The following MYO16 variants were observed in gnomAD, a reference collection of about 807,000 sequenced individuals.
MYO16 encodes unconventional myosin-XVI.
A neutral mutation model predicts 205.3 loss-of-function variants in MYO16; 94 were observed. The observed-to-expected ratio is 0.46, with a 90% CI of 0.39 to 0.54. MYO16 has a LOEUF of 0.54. Ranked by LOEUF, MYO16 falls within the 20% of genes least tolerant of loss-of-function variation. MYO16 has a pLI of 0.00. For missense variants in MYO16, 2,315 were observed against 2,387.5 expected (o/e 0.97, Z 0.63); for synonymous variants, 988 against 954.0 (o/e 1.04, Z -0.66).
At chr13:109,118,923 TGAA>T (rs796977542) in intron 28 of MYO16, among the ~76,000 whole-genome samples, 2 of 152,266 alleles carry the variant, frequency 1.3e-5, no homozygotes, top group South Asian at 2.1e-4. Flanking sequence ...CTAAACTAAA[TGAA>T]GAAGAACATC....
At chr13:108,649,214 TAAAGTA>T (rs1055476889) in intron 1 of MYO16, among the ~76,000 whole-genome samples, 4 of 144,172 alleles carry the variant, frequency 2.8e-5, no homozygotes, top group African/African-American at 8.5e-5. Context: ...CCCTAAAACT[TAAAGTA>T]TAATAAAAAA....
intron 1 of MYO16, among the ~76,000 whole-genome samples, chr13:108,642,784 A>G (rs1322104977): frequency 1.3e-5 from 2 of 152,136 alleles, no homozygotes. Flanking sequence ...ATCTGTTCAC[A>G]AGACTTCTTT....
chr13:109,176,891 G>C (rs1220680256), intron 33 of MYO16, among the ~76,000 whole-genome samples: 1 of 151,990 alleles, frequency 6.6e-6, no homozygotes, highest in Non-Finnish European at 1.5e-5. Context: ...GTGGAGCCCT[G>C]ACACAGGTTC....
At chr13:108,707,180 A>G (rs1285891109) in intron 2 of MYO16, among the ~76,000 whole-genome samples, 2 of 152,242 alleles carry the variant, frequency 1.3e-5, no homozygotes, top group East Asian at 1.9e-4. Context: ...CCCTCTTATC[A>G]TGACCCTGTT....
intron 13 of MYO16, among the ~76,000 whole-genome samples, chr13:108,887,096 A>G (rs1452122187): frequency 1.3e-5 from 2 of 152,156 alleles, no homozygotes; most frequent in Non-Finnish European, 2.9e-5. Flanking sequence ...ACAAAGGGTA[A>G]TTTAAGATTT....
intron 20 of MYO16, among the ~76,000 whole-genome samples, chr13:108,969,502 T>A (rs2139384980): frequency 6.6e-6 from 1 of 152,332 alleles, no homozygotes; most frequent in South Asian, 2.1e-4. Flanking sequence ...CTCTTCACTG[T>A]CCACTTTTCC....
At chr13:108,500,569 T>C in the MYO16 span, among the ~76,000 whole-genome samples, 1 of 152,052 alleles carries the variant, frequency 6.6e-6, no homozygotes, top group Non-Finnish European at 1.5e-5. Context: ...GTTTTTCTCC[T>C]TCTTCCTTTC....
At chr13:108,517,982 G>T in the MYO16 span, among the ~76,000 whole-genome samples, 1 of 152,120 alleles carries the variant, frequency 6.6e-6, no homozygotes, top group Non-Finnish European at 1.5e-5. Context: ...GAACCCTCAT[G>T]ACTTAATCAC....
intron 27 of MYO16, among the ~76,000 whole-genome samples, chr13:109,068,715 C>T (rs542990960): frequency 8.5e-5 from 13 of 152,164 alleles, no homozygotes; most frequent in African/African-American, 1.2e-4. Flanking sequence ...CCTCAGCCTC[C>T]GGAATAGCCG....
At chr13:108,564,595 T>C in the MYO16 span, among the ~76,000 whole-genome samples, 1 of 152,206 alleles carries the variant, frequency 6.6e-6, no homozygotes, top group South Asian at 2.1e-4. Flanking sequence ...TCTCATTCTA[T>C]GGGTTGTCTC....
At chr13:108,619,928 C>T (rs1413982925) in intron 1 of MYO16, among the ~76,000 whole-genome samples, 2 of 152,110 alleles carry the variant, frequency 1.3e-5, no homozygotes, top group Non-Finnish European at 1.5e-5. Context: ...AGGCAAATGG[C>T]ATACTGGAAA....
At chr13:108,961,787 G>C (rs191344893) in intron 18 of MYO16, 131 bp downstream of exon 18, 11 of 684,764 alleles carry the variant, frequency 1.6e-5, no homozygotes, top group Middle Eastern at 2.7e-4. Context: ...ATTCAGTGAG[G>C]GGGGGAAATT....
intron 2 of MYO16, among the ~76,000 whole-genome samples, chr13:108,687,612 T>C (rs867836627): frequency 2.6e-5 from 4 of 152,208 alleles, no homozygotes; most frequent in Admixed American, 6.5e-5. Context: ...ACACATTGAA[T>C]GTAGAAGGAG....
At chr13:108,860,589 G>A (rs996359232) in intron 11 of MYO16, among the ~76,000 whole-genome samples, 2 of 152,148 alleles carry the variant, frequency 1.3e-5, no homozygotes, top group African/African-American at 4.8e-5. Context: ...TCACAGTACT[G>A]CTTTCCAGAA....
intron 20 of MYO16, among the ~76,000 whole-genome samples, chr13:108,975,451 A>C (rs111476431): frequency 0.012 from 1,834 of 152,314 alleles, 34 homozygotes; most frequent in African/African-American, 0.042. Context: ...ATAAAGCATA[A>C]ATAGTAGTTT....
At chr13:109,113,645 G>T (rs772206339) in intron 28 of MYO16, among the ~76,000 whole-genome samples, 74 of 152,168 alleles carry the variant, frequency 4.9e-4, no homozygotes, top group Non-Finnish European at 9.4e-4. Context: ...AATGGGGACT[G>T]GGAGAAAAGC....
intron 27 of MYO16, among the ~76,000 whole-genome samples, chr13:109,063,670 C>A (rs570293992): frequency 2.6e-5 from 4 of 152,312 alleles, no homozygotes; most frequent in African/African-American, 9.6e-5. Flanking sequence ...GTTGTTATAG[C>A]AGCCCACCCC....
chr13:108,766,518 G>A (rs1310891109), intron 4 of MYO16, among the ~76,000 whole-genome samples: 1 of 152,152 alleles, frequency 6.6e-6, no homozygotes, highest in Admixed American at 6.5e-5. Context: ...CCAATTAGTG[G>A]CTTAAATTTC....
chr13:108,571,931 T>TC, the MYO16 span, among the ~76,000 whole-genome samples: 2 of 151,786 alleles, frequency 1.3e-5, no homozygotes, highest in East Asian at 3.9e-4. Flanking sequence ...TTTTTCTTTT[T>TC]TTTTTTTTAA....
Sources: allele counts gnomAD v4.1 joint callset (sites outside exome capture counted in the v4.1 genomes callset), GRCh38; gene constraint gnomAD v4.1.1; transcripts MANE v1.5; gene names NCBI Gene and HGNC (gene_info 2026-07-23, HGNC 2026-07-21).